TBC1D16: variants seen among roughly 807,000 people sequenced by gnomAD.
The protein encoded by TBC1D16 is CTD-2529O21.1.
In TBC1D16, 58 loss-of-function variants were observed where a neutral mutation model predicts 74.7. That is an observed-to-expected ratio of 0.78 (90% CI 0.63 to 0.97). The LOEUF is 0.97. Among genes scored for constraint, TBC1D16 ranks in the 50% least tolerant of loss-of-function variants. TBC1D16 has a pLI of 0.00. For synonymous variants in TBC1D16, 493 were observed against 474.7 expected, an observed-to-expected ratio of 1.04 and a Z score of -0.50; for missense variants, 1,014 against 1,079.5, an observed-to-expected ratio of 0.94 and a Z score of 0.85.
Position 79,934,480 on chromosome 17 carries a change from G to C in TBC1D16, c.*6379C>G, listed in dbSNP as rs1296151178. 1.3e-5 allele frequency: 2 copies of C among 152,298 alleles called. No individual in the cohort carries two copies. The highest frequency in any genetic ancestry group is 4.8e-5 in the African/African-American group (2 of 41,458). The allele number at this position is 152,298 out of a possible 1,614,324, so 9.4% of individuals were successfully genotyped here. ...TCATGTGGCCACCACGGCTGTTGCA[G>C]AGTCCACGGTAAGAGCCAGGACGTG... On this transcript the variant is annotated 3_prime_UTR_variant, in exon 12 of 12. Transcript: ENST00000310924.
Position 79,955,082 on chromosome 17 carries a change from C to T in TBC1D16, c.780-2264G>A, listed in dbSNP as rs137966060. Among the ~76,000 whole-genome samples the T allele has an allele frequency of 7.9e-3, 1,201 of 152,338 alleles. 6 individuals carry two copies. Among genetic ancestry groups the T allele is most frequent in the Non-Finnish European group, 0.013 (882 of 68,032 alleles). The stretch of plus-strand genomic sequence containing the variant: ...CCACACACCTCCCCCAGCAACGTGC[C>T]TCCAGGCAGGAGTTGGCTTAAACCC... On this transcript the variant is annotated intron_variant, in intron 3 of 11. Coordinates refer to ENST00000310924, the MANE Select transcript of TBC1D16 (RefSeq NM_019020.4).
chr17:79,972,682 G>C (rs189782661), intron 3 of TBC1D16, among the ~76,000 whole-genome samples: 1 of 152,306 alleles, frequency 6.6e-6, no homozygotes, highest in Admixed American at 6.5e-5. Flanking sequence ...TGTTTAACGG[G>C]AACAGAGTTT....
intron 3 of TBC1D16, among the ~76,000 whole-genome samples, chr17:79,969,637 A>G (rs1257299086): frequency 1.3e-5 from 2 of 152,034 alleles, no homozygotes; most frequent in African/African-American, 4.8e-5. Context: ...TCGTAGGTAG[A>G]TATCCTAGAT....
rs892080683 is a variant in TBC1D16 at position 79,988,665 on chromosome 17, G to C, written c.779+21495C>G. Among the ~76,000 whole-genome samples the C allele has an allele frequency of 2.0e-5, 3 of 152,214 alleles. No individual in the cohort carries two copies. Among genetic ancestry groups the C allele is most frequent in the African/African-American group, 7.2e-5 (3 of 41,460 alleles). On this transcript the variant is annotated intron_variant, in intron 3 of 11. Transcript: ENST00000310924. The surrounding 1 kb of genome is among the most constrained non-coding windows in gnomAD (Gnocchi z 5.7). ...ACAAAGGGGAAAAAATTAACATTAA[G>C]GGCAAAAAGACTTTTTCTGGAGGGT...
At chr17:79,968,718 T>C (rs971295165) in intron 3 of TBC1D16, among the ~76,000 whole-genome samples, 6 of 151,456 alleles carry the variant, frequency 4.0e-5, no homozygotes, top group African/African-American at 1.5e-4. Context: ...CCGGGCATTG[T>C]GGCGGGCGCC....
chr17:80,028,941 C>T (rs2036682478), intron 1 of TBC1D16, among the ~76,000 whole-genome samples: 1 of 152,100 alleles, frequency 6.6e-6, no homozygotes, highest in African/African-American at 2.4e-5. Flanking sequence ...TGCTCAAAGC[C>T]ATTGGTGACC....
rs1025158998 is a variant in TBC1D16, at chr17:80,007,787, C to T, written c.779+2373G>A. Among the ~76,000 whole-genome samples the T allele has an allele frequency of 5.9e-5, 9 of 152,028 alleles. No individual in the cohort carries two copies. Among genetic ancestry groups the T allele is most frequent in the South Asian group, 2.1e-4 (1 of 4,826 alleles). Reference sequence around the variant, plus strand: ...CCACAAGATCTAGAGGCAGAGAGGACGACGAACTTGGAGGTGTGCACAGTG... The same window carrying T: ...CCACAAGATCTAGAGGCAGAGAGGATGACGAACTTGGAGGTGTGCACAGTG... On this transcript the variant is annotated intron_variant, in intron 3 of 11. Transcript: ENST00000310924. The surrounding 1 kb of genome is among the most constrained non-coding windows in gnomAD (Gnocchi z 4.5).
chr17:80,016,281 A>G (rs67049409), intron 1 of TBC1D16, among the ~76,000 whole-genome samples: 29,191 of 151,172 alleles, frequency 0.19, 3,024 homozygotes, highest in African/African-American at 0.24. Context: ...TAGGGAGGTC[A>G]TGTTTAAGGG....
chr17:80,028,079 C>T (rs888492293), intron 1 of TBC1D16, among the ~76,000 whole-genome samples: 3 of 151,600 alleles, frequency 2.0e-5, no homozygotes, highest in African/African-American at 7.3e-5. Context: ...TTATAATGTG[C>T]CTCCCAGAAT....
chr17:80,032,868 G>C (rs1268816565), intron 1 of TBC1D16, among the ~76,000 whole-genome samples: 1 of 152,210 alleles, frequency 6.6e-6, no homozygotes, highest in Admixed American at 6.5e-5. Flanking sequence ...ATTTAGGCCT[G>C]TGACAAAAAT....
At chr17:80,021,298 A>G (rs2036272896) in intron 1 of TBC1D16, among the ~76,000 whole-genome samples, 1 of 146,780 alleles carries the variant, frequency 6.8e-6, no homozygotes, top group Non-Finnish European at 1.5e-5. Context: ...ACATAACAAG[A>G]TCCCACTTCT....
At chr17:79,972,857 G>A (rs2034170730) in intron 3 of TBC1D16, among the ~76,000 whole-genome samples, 3 of 152,060 alleles carry the variant, frequency 2.0e-5, no homozygotes, top group Admixed American at 2.0e-4. Flanking sequence ...AGGCAGGAGT[G>A]GATCGCCTGA....
At chr17:80,006,809 C>T (rs1291707645) in intron 3 of TBC1D16, among the ~76,000 whole-genome samples, 4 of 152,078 alleles carry the variant, frequency 2.6e-5, no homozygotes, top group Non-Finnish European at 4.4e-5. Context: ...TAGGCATGCA[C>T]CACTATGCCC....
At chr17:80,005,620 C>G (rs1321105599) in intron 3 of TBC1D16, among the ~76,000 whole-genome samples, 2 of 152,210 alleles carry the variant, frequency 1.3e-5, no homozygotes, top group African/African-American at 2.4e-5. Flanking sequence ...TTGGCGACAG[C>G]AGCTCTCCGT....
chr17:80,007,267 C>A lies in TBC1D16; in HGVS notation c.779+2893G>T, dbSNP rs867062418. Among the ~76,000 whole-genome samples, 12 of 152,278 alleles carry A rather than the reference C, an allele frequency of 7.9e-5. No individual in the cohort carries two copies. The highest frequency in any genetic ancestry group is 2.9e-4 in the African/African-American group (12 of 41,556). Reference sequence around the variant, plus strand: ...GGTAAGCACCCCCCAGCACGGTCTCCGGGTGGGGACGAGTCCCAGGCCAGG... The same window carrying A: ...GGTAAGCACCCCCCAGCACGGTCTCAGGGTGGGGACGAGTCCCAGGCCAGG... On this transcript the variant is annotated intron_variant, in intron 3 of 11. Coordinates refer to ENST00000310924, the MANE Select transcript of TBC1D16 (RefSeq NM_019020.4). The surrounding 1 kb of genome is among the most constrained non-coding windows in gnomAD (Gnocchi z 4.5).
intron 3 of TBC1D16, among the ~76,000 whole-genome samples, chr17:79,989,904 G>C (rs1282205810): frequency 6.6e-6 from 1 of 152,136 alleles, no homozygotes; most frequent in African/African-American, 2.4e-5. Context: ...AGTCAGCCGA[G>C]GGGTCCCCAC....
chr17:79,968,646 G>T (rs1347435018), intron 3 of TBC1D16, among the ~76,000 whole-genome samples: 2 of 152,074 alleles, frequency 1.3e-5, no homozygotes, highest in Non-Finnish European at 2.9e-5. Flanking sequence ...GAGGTCAGGA[G>T]ATTAAGACCA....
rs762971422 is a variant in TBC1D16, at chr17:79,988,289, C to G, written c.779+21871G>C. On this transcript the variant is annotated intron_variant, in intron 3 of 11. Coordinates refer to ENST00000310924, the MANE Select transcript of TBC1D16 (RefSeq NM_019020.4). The surrounding 1 kb of genome is among the most constrained non-coding windows in gnomAD (Gnocchi z 5.7). ...TGATGCACTCTCCAAAGTCACAGAGCAAAACAACACGCTGAACAAACACCA... is the reference window on the plus strand; with the variant it reads ...TGATGCACTCTCCAAAGTCACAGAGGAAAACAACACGCTGAACAAACACCA... Among the ~76,000 whole-genome samples, 26 of 152,338 alleles carry G rather than the reference C, an allele frequency of 1.7e-4. No homozygotes were observed. The highest frequency in any genetic ancestry group is 9.8e-4 in the Admixed American group (15 of 15,302).
At chr17:80,011,456 G>A (rs982991510) in intron 2 of TBC1D16, among the ~76,000 whole-genome samples, 12 of 152,114 alleles carry the variant, frequency 7.9e-5, no homozygotes, top group Non-Finnish European at 4.4e-5. Flanking sequence ...GAGCCCAGCG[G>A]CCCAGGTGCC....
Sources: allele counts gnomAD v4.1 joint callset (sites outside exome capture counted in the v4.1 genomes callset), GRCh38; gene constraint gnomAD v4.1.1; non-coding constraint Gnocchi (gnomAD v3.1); transcripts MANE v1.5; gene names NCBI Gene and HGNC (gene_info 2026-07-23, HGNC 2026-07-21).